ELOVL7: variants seen among roughly 807,000 people sequenced by gnomAD.
ELOVL7 encodes the protein very long chain fatty acid elongase 7.
In ELOVL7, 27 loss-of-function variants were observed where a neutral mutation model predicts 35.7. That is an observed-to-expected ratio of 0.76 (90% CI 0.56 to 1.04). The LOEUF (loss-of-function observed/expected upper bound fraction) is 1.04, where lower values mean the gene tolerates loss of function less well. Ranked by LOEUF, ELOVL7 falls within the 50% of genes least tolerant of loss-of-function variation. ELOVL7 has a pLI of 0.00. For synonymous variants in ELOVL7, 113 were observed against 114.6 expected (o/e 0.99, Z 0.09); for missense variants, 327 against 340.8 (o/e 0.96, Z 0.32).
rs1741306398 is a variant in ELOVL7 at position 60,751,971 on chromosome 5, A to G, written c.*2653T>C. On this transcript the variant is annotated 3_prime_UTR_variant, in exon 9 of 9. Coordinates refer to ENST00000508821, the MANE Select transcript of ELOVL7 (RefSeq NM_024930.3). ...GGCAAAGTCCCATAGATATTTAAAAATCTATATTTGTATTTATTTATAATA... is the reference window on the plus strand; with the variant it reads ...GGCAAAGTCCCATAGATATTTAAAAGTCTATATTTGTATTTATTTATAATA... 1 of 152,172 alleles carries G rather than the reference A, an allele frequency of 6.6e-6. No individual in the cohort carries two copies. Among genetic ancestry groups the G allele is most frequent in the South Asian group, 2.1e-4 (1 of 4,830 alleles). 9.4% of individuals were successfully genotyped at this position (152,172 alleles called of 1,614,324 possible). A position where few individuals can be genotyped will look rare whatever the true frequency, so the allele number is the denominator to read the frequency against.
chr5:60,760,807 A>G (rs1382578359), intron 7 of ELOVL7, among the ~76,000 whole-genome samples: 1 of 152,050 alleles, frequency 6.6e-6, no homozygotes, highest in Non-Finnish European at 1.5e-5. Context: ...ATCTTGAATT[A>G]ATTTTTGTAT....
chr5:60,754,394 AAAAAACAAAAAC>A lies in ELOVL7; in HGVS notation c.*218_*229del, dbSNP rs780318175. ...TTTGGATTAGGTTTAAAAGCAGCTA[AAAAAACAAAAAC>A]AAAAACAAAAACAAATTCTGGCTGC... On this transcript the variant is annotated 3_prime_UTR_variant, in exon 9 of 9. Transcript: ENST00000508821. 3.9e-6 allele frequency: 2 copies of A among 513,172 alleles called. No individual in the cohort carries two copies. The highest frequency in any genetic ancestry group is 2.6e-5 in the South Asian group (1 of 39,044). 31.8% of individuals were successfully genotyped at this position (513,172 alleles called of 1,614,324 possible).
chr5:60,830,416 G>T (rs1422301728), intron 1 of ELOVL7, among the ~76,000 whole-genome samples: 1 of 152,164 alleles, frequency 6.6e-6, no homozygotes, highest in Admixed American at 6.5e-5. Context: ...AAAGAGCTAG[G>T]ATACTGGGGA....
chr5:60,762,614 A>G (rs1357903873), intron 7 of ELOVL7, among the ~76,000 whole-genome samples: 6 of 152,164 alleles, frequency 3.9e-5, no homozygotes, highest in Non-Finnish European at 8.8e-5. Context: ...TCTTTCTTCT[A>G]TTCACATTTA....
chr5:60,799,031 A>C (rs1039128535), intron 2 of ELOVL7, 149 bp downstream of exon 2: 2 of 152,220 alleles, frequency 1.3e-5, no homozygotes, highest in Non-Finnish European at 2.9e-5. Flanking sequence ...AATGGTGTGA[A>C]ACTACAAATC....
intron 7 of ELOVL7, among the ~76,000 whole-genome samples, chr5:60,763,196 G>A (rs1742028964): frequency 1.3e-5 from 2 of 152,166 alleles, no homozygotes; most frequent in African/African-American, 2.4e-5. Context: ...TTACATCCTG[G>A]AAAATCCGAT....
chr5:60,830,427 G>A (rs1158637206), intron 1 of ELOVL7, among the ~76,000 whole-genome samples: 4 of 152,162 alleles, frequency 2.6e-5, no homozygotes, highest in Non-Finnish European at 5.9e-5. Context: ...ATACTGGGGA[G>A]GATGTGGCAG....
At chr5:60,802,604 A>G (rs2112292036) in intron 1 of ELOVL7, 1 of 152,348 alleles carries the variant, frequency 6.6e-6, no homozygotes, top group East Asian at 1.9e-4. Flanking sequence ...GAATCAGCAC[A>G]TATATCCAGG....
At chr5:60,813,315 C>T (rs777852236) in intron 1 of ELOVL7, among the ~76,000 whole-genome samples, 17 of 152,192 alleles carry the variant, frequency 1.1e-4, no homozygotes, top group Admixed American at 3.3e-4. Flanking sequence ...ACCAGAACTT[C>T]GGTTGACACG....
At chr5:60,807,992 C>CAAAAAA (rs34086506) in intron 1 of ELOVL7, among the ~76,000 whole-genome samples, 211 of 42,386 alleles carry the variant, frequency 5.0e-3, no homozygotes, top group Non-Finnish European at 7.3e-3. Context: ...GACTCCGTCT[C>CAAAAAA]AAAAAAAAAA....
chr5:60,767,717 A>G, intron 5 of ELOVL7, 106 bp downstream of exon 5: 1 of 725,838 alleles, frequency 1.4e-6, no homozygotes, highest in Middle Eastern at 2.4e-4. Context: ...ACACAATCTG[A>G]TAACTGAGTC....
intron 2 of ELOVL7, among the ~76,000 whole-genome samples, chr5:60,798,867 CAT>C (rs1372421286): frequency 2.0e-5 from 3 of 152,204 alleles, no homozygotes; most frequent in Non-Finnish European, 2.9e-5. Context: ...ACTTAACAGA[CAT>C]GTGCTGAACG....
At chr5:60,829,036 G>C (rs1746333110) in intron 1 of ELOVL7, among the ~76,000 whole-genome samples, 1 of 152,040 alleles carries the variant, frequency 6.6e-6, no homozygotes, top group East Asian at 1.9e-4. Context: ...CCATAATTCT[G>C]AGTGATGAGT....
rs112710826 is a variant in ELOVL7 at position 60,799,465 on chromosome 5, C to A, written c.-85-235G>T. Among the ~76,000 whole-genome samples the A allele has an allele frequency of 1.3e-3, 205 of 152,004 alleles. 4 individuals carry two copies. Among genetic ancestry groups the A allele is most frequent in the African/African-American group, 4.8e-3 (201 of 41,462 alleles). ...TGCACGAAGGAAAAAAAAGAGTATT[C>A]ATAAATAAAATTGGAAATGAAAGAA... On this transcript the variant is annotated intron_variant, in intron 1 of 8. Coordinates refer to ENST00000508821, the MANE Select transcript of ELOVL7 (RefSeq NM_024930.3).
At chr5:60,832,497 C>A (rs1276862867) in intron 1 of ELOVL7, among the ~76,000 whole-genome samples, 1 of 152,122 alleles carries the variant, frequency 6.6e-6, no homozygotes, top group African/African-American at 2.4e-5. Flanking sequence ...TCCCAAGTTG[C>A]TGGGACTACA....
At chr5:60,826,790 C>T (rs1191493568) in intron 1 of ELOVL7, among the ~76,000 whole-genome samples, 1 of 152,084 alleles carries the variant, frequency 6.6e-6, no homozygotes, top group Non-Finnish European at 1.5e-5. Flanking sequence ...CTGGGTGGAG[C>T]ACAGATGTAC....
intron 1 of ELOVL7, among the ~76,000 whole-genome samples, chr5:60,818,276 C>A (rs991054930): frequency 7.0e-6 from 1 of 141,930 alleles, no homozygotes; most frequent in East Asian, 2.0e-4. Context: ...CAAGATTGCA[C>A]CACTGTGCTC....
At chr5:60,833,296 A>T (rs1412465352) in intron 1 of ELOVL7, among the ~76,000 whole-genome samples, 1 of 152,190 alleles carries the variant, frequency 6.6e-6, no homozygotes, top group East Asian at 1.9e-4. Flanking sequence ...GGTCAGCCTG[A>T]ATGACCTCTC....
intron 7 of ELOVL7, among the ~76,000 whole-genome samples, chr5:60,759,175 C>T (rs1418068565): frequency 6.6e-6 from 1 of 152,122 alleles, no homozygotes; most frequent in Admixed American, 6.6e-5. Flanking sequence ...TCTCCCAAAG[C>T]CTCATTTATG....
Sources: allele counts gnomAD v4.1 joint callset (sites outside exome capture counted in the v4.1 genomes callset), GRCh38; gene constraint gnomAD v4.1.1; transcripts MANE v1.5; gene names NCBI Gene and HGNC (gene_info 2026-07-23, HGNC 2026-07-21).